Variants in PPP6R2 observed in about 807,000 individuals in gnomAD.
PPP6R2 encodes serine/threonine-protein phosphatase 6 regulatory subunit 2.
In PPP6R2, 62 loss-of-function variants were observed where a neutral mutation model predicts 100.2. That is an observed-to-expected ratio of 0.62 (90% CI 0.50 to 0.76). The LOEUF (loss-of-function observed/expected upper bound fraction) is 0.76, where lower values mean the gene tolerates loss of function less well. PPP6R2 is among the 30% of genes least tolerant of loss of function. The probability of loss-of-function intolerance (pLI) is 0.00; values close to 1 mark genes in which losing one functional copy is unlikely to be tolerated. For missense variants in PPP6R2, 1,142 were observed against 1,276.3 expected (o/e 0.89, Z 1.60); for synonymous variants, 525 against 514.7 (o/e 1.02, Z -0.27).
intron 1 of PPP6R2, among the ~76,000 whole-genome samples, chr22:50,350,925 T>C (rs1343753443): frequency 6.6e-6 from 1 of 151,698 alleles, no homozygotes; most frequent in East Asian, 1.9e-4. Context: ...TTAGTCTCCT[T>C]GTACATCTTA....
intron 1 of PPP6R2, among the ~76,000 whole-genome samples, chr22:50,367,379 T>C (rs1468885227): frequency 2.0e-5 from 3 of 152,120 alleles, no homozygotes; most frequent in Admixed American, 2.0e-4. Context: ...TCTGCCCTCC[T>C]GAGACAGAAT....
intron 4 of PPP6R2, among the ~76,000 whole-genome samples, chr22:50,411,257 C>G (rs1271761165): frequency 6.6e-6 from 1 of 152,094 alleles, no homozygotes; most frequent in African/African-American, 2.4e-5. Flanking sequence ...AGTTTGAGAG[C>G]AGCCTGGCCA....
chr22:50,369,923 T>TTC (rs1005600543), intron 1 of PPP6R2, among the ~76,000 whole-genome samples: 7 of 150,756 alleles, frequency 4.6e-5, no homozygotes, highest in African/African-American at 1.7e-4. Context: ...TTTTTTTTTT[T>TTC]TTTTAAGTAG....
rs1266909190 is a variant in PPP6R2 at position 50,367,719 on chromosome 22, G to GT, written c.-147-4295dup. 5.3e-5 allele frequency among the ~76,000 whole-genome samples: 8 copies of GT among 152,266 alleles called. 1 individual carries two copies. In the South Asian group the frequency reaches 1.7e-3, roughly 32 times the overall value. ...ATTGCTTTATTTTTTGTTTTGTGTT[G>GT]TTTTTTGAGACAGTGTAGGGTCCAG... On this transcript the variant is annotated intron_variant, in intron 1 of 23. Transcript: ENST00000612753.
In PPP6R2 at chr22:50,441,300, G is replaced by A. The variant is rs557276632; in HGVS notation, c.2579+274G>A. Among the ~76,000 whole-genome samples, 3 of 152,256 alleles carry A rather than the reference G, an allele frequency of 2.0e-5. No homozygotes were observed. The South Asian group carries it at 6.2e-4, about 32-fold the overall frequency. ...TGTGAGTGGTTAAGACAAGAAGACA[G>A]GGCCTGGATGTCCCAGACAGTCCCC... is the stretch of plus-strand genomic sequence containing the variant. On this transcript the variant is annotated intron_variant, in intron 22 of 23. Coordinates refer to ENST00000612753, the MANE Select transcript of PPP6R2 (RefSeq NM_001242898.2).
rs568856088 is a variant in PPP6R2, at chr22:50,400,638, T to C, written c.228-6051T>C. On this transcript the variant is annotated intron_variant, in intron 3 of 23. Transcript: ENST00000612753. ...GACAGGGGATCCCCAAAGAGCATCA[T>C]TGAGCCAAGAGAGTTTCATAGTCAG... 2.0e-4 allele frequency among the ~76,000 whole-genome samples: 31 copies of C among 152,328 alleles called. No individual in the cohort carries two copies. In the South Asian group the frequency reaches 3.1e-3, roughly 15 times the overall value.
In PPP6R2 at chr22:50,406,704, C is replaced by G; in HGVS notation, c.243C>G (p.Ala81=). 1 of 1,613,660 alleles carries G rather than the reference C, an allele frequency of 6.2e-7. No homozygotes were observed. Among genetic ancestry groups the G allele is most frequent in the Non-Finnish European group, 8.5e-7 (1 of 1,179,968 alleles). ...GCCCTTTTAGATATCCAAACACAGC[C>G]TGTGAGCTTCTGACTTGTGATGTGC... ...EKVRFKYPNT[A]CELLTCDVPQ... is the part of the protein sequence containing the mutation. The change falls in exon 4 of 24, where the codon GCC becomes GCG. Residue 81 remains alanine (A), a synonymous_variant. Transcript: ENST00000612753.
intron 2 of PPP6R2, among the ~76,000 whole-genome samples, chr22:50,374,384 CA>C (rs1250925624): frequency 6.6e-6 from 1 of 152,052 alleles, no homozygotes; most frequent in Non-Finnish European, 1.5e-5. Flanking sequence ...ACAGATTAAA[CA>C]CAGATGCAGA....
intron 13 of PPP6R2, among the ~76,000 whole-genome samples, chr22:50,435,996 A>C (rs574544290): frequency 1.6e-4 from 24 of 152,340 alleles, no homozygotes; most frequent in African/African-American, 5.8e-4. Flanking sequence ...GGTGGGGGGA[A>C]GGAAGCTGGC....
At chr22:50,405,600 AGAGGCCTGGAGAGAAGTG>A (rs1451802909) in intron 3 of PPP6R2, among the ~76,000 whole-genome samples, 1 of 86,490 alleles carries the variant, frequency 1.2e-5, no homozygotes, top group Admixed American at 1.1e-4. Flanking sequence ...GAGAGAGGTG[AGAGGCCTGGAGAGAAGTG>A]AGAGGCCTGG....
At chr22:50,368,497 C>T (rs2049249062) in intron 1 of PPP6R2, among the ~76,000 whole-genome samples, 1 of 152,152 alleles carries the variant, frequency 6.6e-6, no homozygotes, top group South Asian at 2.1e-4. Flanking sequence ...AATTGTAGAA[C>T]AAAGATTATT....
At chr22:50,388,183 A>T (rs2054643108) in intron 2 of PPP6R2, among the ~76,000 whole-genome samples, 1 of 151,906 alleles carries the variant, frequency 6.6e-6, no homozygotes, top group Non-Finnish European at 1.5e-5. Flanking sequence ...AGGATTAAAA[A>T]AAAAAAACAG....
chr22:50,424,633 CTTTTTTT>C (rs71198247), intron 10 of PPP6R2, among the ~76,000 whole-genome samples: 2 of 74,252 alleles, frequency 2.7e-5, no homozygotes, highest in Non-Finnish European at 5.1e-5. Flanking sequence ...CCCTCTTCTT[CTTTTTTT>C]TTTTTTTTTT....
chr22:50,403,143 G>A (rs956708202), intron 3 of PPP6R2, among the ~76,000 whole-genome samples: 1 of 152,078 alleles, frequency 6.6e-6, no homozygotes, highest in East Asian at 1.9e-4. Context: ...GGAGGCGGAG[G>A]TTGCAGTGAG....
chr22:50,393,789 G>T (rs1320589625), intron 2 of PPP6R2, 104 bp from the exon 3 acceptor site: 3 of 1,547,172 alleles, frequency 1.9e-6, no homozygotes, highest in African/African-American at 2.7e-5. Flanking sequence ...GCTGAGGGTG[G>T]ATCTGCAGAG....
chr22:50,389,187 G>T (rs2054898187), intron 2 of PPP6R2: 1 of 152,208 alleles, frequency 6.6e-6, no homozygotes, highest in African/African-American at 2.4e-5. Context: ...GTCAGGATGT[G>T]AGAGGAGTCC....
chr22:50,439,579 C>A, intron 19 of PPP6R2, 122 bp from the exon 20 acceptor site: 1 of 1,149,698 alleles, frequency 8.7e-7, no homozygotes, highest in Non-Finnish European at 1.2e-6. Flanking sequence ...GGCCTCCCTC[C>A]TGGAGCAGCC....
In PPP6R2 at chr22:50,444,421, C is replaced by A; in HGVS notation, c.*174C>A. 1.2e-6 allele frequency: 1 copy of A among 821,540 alleles called. No individual in the cohort carries two copies. The highest frequency in any genetic ancestry group is 1.9e-6 in the Non-Finnish European group (1 of 534,042). 50.9% of individuals were successfully genotyped at this position (821,540 alleles called of 1,614,324 possible). A position where few individuals can be genotyped will look rare whatever the true frequency, so the allele number is the denominator to read the frequency against. ...GACGGCCCAGCTTGCGTCTCTTCTG[C>A]CTGAGTGGGCCTCTCAGGTCACTCG... On this transcript the variant is annotated 3_prime_UTR_variant, in exon 24 of 24. Coordinates refer to ENST00000612753, the MANE Select transcript of PPP6R2 (RefSeq NM_001242898.2).
the PPP6R2 span, among the ~76,000 whole-genome samples, chr22:50,331,345 T>TGGTA: frequency 6.6e-6 from 1 of 152,180 alleles, no homozygotes; most frequent in Non-Finnish European, 1.5e-5. Flanking sequence ...TTGGGCTGTA[T>TGGTA]GGTAAGTTTA....
Sources: gnomAD v4.1 joint callset for allele counts (sites outside exome capture counted in the v4.1 genomes callset) on GRCh38, gnomAD v4.1.1 for gene constraint, MANE v1.5 for transcripts, NCBI Gene and HGNC (gene_info 2026-07-23, HGNC 2026-07-21) for gene names.